The following ZNF804A variants were observed in gnomAD, a reference collection of about 807,000 sequenced individuals.
ZNF804A encodes zinc finger protein 804A.
ZNF804A carries 2 observed loss-of-function variants against 16.5 expected under a neutral mutation model. The observed-to-expected ratio is 0.12, with a 90% CI of 0.05 to 0.38. The LOEUF is 0.38. ZNF804A is among the 10% of genes least tolerant of loss of function. The pLI, the probability that ZNF804A is intolerant of heterozygous loss-of-function variation, is 0.99. For synonymous variants in ZNF804A, 534 were observed against 489.6 expected, an observed-to-expected ratio of 1.09 and a Z score of -1.20; for missense variants, 1,473 against 1,390.7, an observed-to-expected ratio of 1.06 and a Z score of -0.94.
chr2:184,932,520 C>T (rs1032167803), intron 2 of ZNF804A, among the ~76,000 whole-genome samples: 1 of 152,044 alleles, frequency 6.6e-6, no homozygotes, highest in East Asian at 1.9e-4. Flanking sequence ...AAAGACCCGC[C>T]CCCATGATTC....
chr2:184,834,529 C>CCT (rs1463778465), intron 1 of ZNF804A, among the ~76,000 whole-genome samples: 3 of 152,042 alleles, frequency 2.0e-5, no homozygotes, highest in East Asian at 1.9e-4. Flanking sequence ...CTCATACACT[C>CCT]CTCTCTCTCT....
At chr2:184,674,484 C>G (rs1006176403) in intron 1 of ZNF804A, among the ~76,000 whole-genome samples, 1 of 151,666 alleles carries the variant, frequency 6.6e-6, no homozygotes, top group Non-Finnish European at 1.5e-5. Flanking sequence ...CATAGGGAAT[C>G]AAGAGACAAA....
intron 2 of ZNF804A, among the ~76,000 whole-genome samples, chr2:184,895,039 G>A (rs1176560455): frequency 1.3e-5 from 2 of 152,094 alleles, no homozygotes; most frequent in Admixed American, 6.5e-5. Flanking sequence ...TTCAAATGAA[G>A]TACTTTACAT....
chr2:184,710,421 T>C (rs1157199374), intron 1 of ZNF804A, among the ~76,000 whole-genome samples: 1 of 151,618 alleles, frequency 6.6e-6, no homozygotes. Context: ...TATATATTTA[T>C]TTTTTGTGCC....
rs150404516 is a variant in ZNF804A at position 184,859,834 on chromosome 2, C to T, written c.112-6535C>T. Among the ~76,000 whole-genome samples the T allele has an allele frequency of 9.8e-5, 15 of 152,326 alleles. 1 individual carries two copies. The East Asian group carries it at 2.9e-3, about 29-fold the overall frequency. Reference sequence around the variant, plus strand: ...TTGCTGGAATCTAAAGTCGAGTTGTCCTGCTGCCTAGGTCAGGAGGTAGGT... The same window carrying T: ...TTGCTGGAATCTAAAGTCGAGTTGTTCTGCTGCCTAGGTCAGGAGGTAGGT... On this transcript the variant is annotated intron_variant, in intron 1 of 3. Transcript: ENST00000302277.
chr2:184,774,417 A>G (rs1694258414), intron 1 of ZNF804A, among the ~76,000 whole-genome samples: 1 of 151,982 alleles, frequency 6.6e-6, no homozygotes, highest in African/African-American at 2.4e-5. Flanking sequence ...TGTGTTTTGA[A>G]AATATTATTT....
intron 1 of ZNF804A, among the ~76,000 whole-genome samples, chr2:184,717,085 C>T (rs1693226920): frequency 6.6e-6 from 1 of 152,032 alleles, no homozygotes; most frequent in African/African-American, 2.4e-5. Context: ...GATGTAAAGA[C>T]AAACGAATTA....
chr2:184,733,203 T>A (rs1476341110), intron 1 of ZNF804A, among the ~76,000 whole-genome samples: 1 of 152,146 alleles, frequency 6.6e-6, no homozygotes, highest in East Asian at 1.9e-4. Flanking sequence ...AGCTCCTCTG[T>A]ATTCCTATTT....
intron 1 of ZNF804A, among the ~76,000 whole-genome samples, chr2:184,795,881 G>A (rs1337337201): frequency 6.6e-6 from 1 of 152,132 alleles, no homozygotes; most frequent in Admixed American, 6.5e-5. Flanking sequence ...GGAATAATTA[G>A]ATGCCCTGAA....
chr2:184,939,005 C>A lies in ZNF804A; in HGVS notation c.3609C>A (p.Ile1203=), dbSNP rs769569761. The A allele has an allele frequency of 2.5e-6, 4 of 1,613,822 alleles. No individual in the cohort carries two copies. In the South Asian group the frequency reaches 4.4e-5, roughly 18 times the overall value. Residue 1203 remains isoleucine (I), a synonymous_variant, in exon 4 of 4, where the codon ATC becomes ATA. Transcript: ENST00000302277. ...TGCTTTCCCCACACCCTACTGTCAT[C>A]CCTTTGCAACCTCTCTTCTAGTCAT... ...PSLLSPHPTV[I]PLQPLF
At chr2:184,912,479 T>A (rs191059565) in intron 2 of ZNF804A, among the ~76,000 whole-genome samples, 51 of 152,148 alleles carry the variant, frequency 3.4e-4, no homozygotes, top group African/African-American at 1.2e-3. Context: ...GAAATGGAAC[T>A]GCTGGGTCAT....
chr2:184,900,649 A>G (rs1685165332), intron 2 of ZNF804A, among the ~76,000 whole-genome samples: 1 of 152,166 alleles, frequency 6.6e-6, no homozygotes, highest in Non-Finnish European at 1.5e-5. Flanking sequence ...TTTATTGGGG[A>G]AAATGTCATG....
At chr2:184,731,761 GATGATGTCTCTCT>G (rs1693525589) in intron 1 of ZNF804A, among the ~76,000 whole-genome samples, 1 of 151,806 alleles carries the variant, frequency 6.6e-6, no homozygotes, top group African/African-American at 2.4e-5. Flanking sequence ...TTTCTGTAGA[GATGATGTCTCTCT>G]ATGTAGTCCA....
At chr2:184,851,948 T>G (rs948795608) in intron 1 of ZNF804A, among the ~76,000 whole-genome samples, 1 of 151,870 alleles carries the variant, frequency 6.6e-6, no homozygotes, top group Non-Finnish European at 1.5e-5. Flanking sequence ...ATACTGAGCA[T>G]TTTGTTTCAT....
At chr2:184,858,318 A>G (rs1695737657) in intron 1 of ZNF804A, among the ~76,000 whole-genome samples, 1 of 152,040 alleles carries the variant, frequency 6.6e-6, no homozygotes, top group Non-Finnish European at 1.5e-5. Flanking sequence ...AACCTGGACA[A>G]CATGGCGAAA....
chr2:184,877,170 C>A (rs1014556067), intron 2 of ZNF804A, among the ~76,000 whole-genome samples: 7 of 151,914 alleles, frequency 4.6e-5, no homozygotes, highest in Non-Finnish European at 1.0e-4. Context: ...CTTTATTTTA[C>A]CATTTTATTT....
intron 1 of ZNF804A, among the ~76,000 whole-genome samples, chr2:184,722,448 A>G (rs1260978618): frequency 4.6e-5 from 7 of 152,030 alleles, no homozygotes; most frequent in African/African-American, 7.2e-5. Flanking sequence ...TCTACTGTGA[A>G]TGTTTCTGAA....
chr2:184,744,210 T>C (rs1478216990), intron 1 of ZNF804A, among the ~76,000 whole-genome samples: 2 of 151,904 alleles, frequency 1.3e-5, no homozygotes, highest in Non-Finnish European at 2.9e-5. Context: ...ATTAGAACTA[T>C]ACATAACTAC....
chr2:184,835,024 G>T (rs1165178960), intron 1 of ZNF804A, among the ~76,000 whole-genome samples: 1 of 152,138 alleles, frequency 6.6e-6, no homozygotes, highest in Non-Finnish European at 1.5e-5. Flanking sequence ...TATTTGGCAG[G>T]CACAGAACTA....
Sources: gnomAD v4.1 joint callset for allele counts (sites outside exome capture counted in the v4.1 genomes callset) on GRCh38, gnomAD v4.1.1 for gene constraint, MANE v1.5 for transcripts, NCBI Gene and HGNC (gene_info 2026-07-23, HGNC 2026-07-21) for gene names.